Variants in PAX8 observed in about 807,000 individuals in gnomAD.
PAX8 encodes the protein paired box protein Pax-8.
A neutral mutation model predicts 52.4 loss-of-function variants in PAX8; 15 were observed. That is an observed-to-expected ratio of 0.29 (90% CI 0.19 to 0.44). The LOEUF (loss-of-function observed/expected upper bound fraction) is 0.44, where lower values mean the gene tolerates loss of function less well. PAX8 is among the 20% of genes least tolerant of loss of function. The probability of loss-of-function intolerance (pLI) is 1.00; values close to 1 mark genes in which losing one functional copy is unlikely to be tolerated. For missense variants in PAX8, 554 were observed against 602.5 expected, an observed-to-expected ratio of 0.92 and a Z score of 0.84; for synonymous variants, 284 against 249.7, an observed-to-expected ratio of 1.14 and a Z score of -1.29.
intron 1 of PAX8, 74 bp downstream of exon 1, chr2:113,278,757 C>G (rs1301193867): frequency 1.3e-6 from 1 of 780,010 alleles, no homozygotes; most frequent in Non-Finnish European, 1.7e-6. Flanking sequence ...GCCAGGCATC[C>G]TGGGACCCTC....
At chr2:113,235,318 G>A (rs956159436) in intron 9 of PAX8, 76 bp downstream of exon 9, 6 of 1,264,432 alleles carry the variant, frequency 4.7e-6, no homozygotes, top group Non-Finnish European at 4.4e-6. Flanking sequence ...CCAGAGAGGG[G>A]GCTGGCGGTC....
At chr2:113,240,900 G>A (rs1573456181) in intron 7 of PAX8, 1 of 120,548 alleles carries the variant, frequency 8.3e-6, no homozygotes, top group Non-Finnish European at 2.1e-5. Flanking sequence ...AAGTGACACT[G>A]TGAGAAGCTA....
At chr2:113,237,044 G>A in intron 7 of PAX8, 1 of 360,558 alleles carries the variant, frequency 2.8e-6, no homozygotes. Flanking sequence ...ACAGAATGCA[G>A]GACGGTGCCA....
intron 2 of PAX8, among the ~76,000 whole-genome samples, chr2:113,251,398 C>G (rs983329675): frequency 1.3e-5 from 2 of 149,702 alleles, no homozygotes; most frequent in Non-Finnish European, 3.0e-5. Context: ...AGGTGTGGCC[C>G]AGGAAGAGGT....
intron 5 of PAX8, 152 bp from the exon 6 acceptor site, chr2:113,242,282 G>C: frequency 1.5e-6 from 1 of 653,338 alleles, no homozygotes; most frequent in East Asian, 2.7e-5. Flanking sequence ...CAGCCCTGGG[G>C]TGACTCTGGG....
chr2:113,228,784 C>A (rs1421325810), intron 9 of PAX8, among the ~76,000 whole-genome samples: 1 of 152,164 alleles, frequency 6.6e-6, no homozygotes, highest in African/African-American at 2.4e-5. Context: ...ACTGCTTGTC[C>A]AACTATCCAC....
chr2:113,239,024 C>G (rs1318730618), intron 7 of PAX8: 1 of 150,830 alleles, frequency 6.6e-6, no homozygotes, highest in African/African-American at 2.4e-5. Flanking sequence ...AAATAGCAAC[C>G]AGGAATAAGG....
chr2:113,271,553 G>T (rs905912366), intron 2 of PAX8: 1 of 151,732 alleles, frequency 6.6e-6, no homozygotes, highest in African/African-American at 2.4e-5. Flanking sequence ...CTGGAAAGGG[G>T]TGTATTTTAA....
intron 10 of PAX8, chr2:113,226,044 G>A: frequency 1.0e-6 from 1 of 985,770 alleles, no homozygotes; most frequent in African/African-American, 1.7e-5. Context: ...TAACCAGGCA[G>A]CAACAAGTGC....
In PAX8 at chr2:113,239,094, G is replaced by A. The variant is rs1317560056; in HGVS notation, c.778-2373C>T. 5.4e-5 allele frequency: 8 copies of A among 147,386 alleles called. No homozygotes were observed. The East Asian group carries it at 1.6e-3, about 29-fold the overall frequency. The allele number at this position is 147,386 out of a possible 1,614,324, so 9.1% of individuals were successfully genotyped here. A position where few individuals can be genotyped will look rare whatever the true frequency, so the allele number is the denominator to read the frequency against. On this transcript the variant is annotated intron_variant, in intron 7 of 11. Transcript: ENST00000429538. Reference sequence around the variant, plus strand: ...CCTTTTTTTTTTTTTTTCAGATGGAGCCTCGCTCTGTCACCCAGGCTGGAG... The same window carrying A: ...CCTTTTTTTTTTTTTTTCAGATGGAACCTCGCTCTGTCACCCAGGCTGGAG...
chr2:113,240,398 C>T (rs1690717004), intron 7 of PAX8: 1 of 152,282 alleles, frequency 6.6e-6, no homozygotes, highest in African/African-American at 2.4e-5. Flanking sequence ...GGCATCATCT[C>T]CATTGTCCTA....
At chr2:113,261,799 A>G (rs1692699127) in intron 2 of PAX8, among the ~76,000 whole-genome samples, 1 of 150,972 alleles carries the variant, frequency 6.6e-6, no homozygotes, top group South Asian at 2.1e-4. Flanking sequence ...TCCTGAAGCA[A>G]GTCATGCCCT....
At chr2:113,242,904 CCA>C (rs1690983654) in intron 4 of PAX8, 126 bp from the exon 5 acceptor site, 3 of 729,528 alleles carry the variant, frequency 4.1e-6, no homozygotes, top group East Asian at 5.3e-5. Flanking sequence ...ACTCAACTGT[CCA>C]CAGTCAAGTC....
At chr2:113,256,437 T>G (rs1692250751) in intron 2 of PAX8, among the ~76,000 whole-genome samples, 1 of 152,198 alleles carries the variant, frequency 6.6e-6, no homozygotes, top group Non-Finnish European at 1.5e-5. Flanking sequence ...GGAATCTGAT[T>G]CAACTACTGC....
intron 2 of PAX8, among the ~76,000 whole-genome samples, chr2:113,252,780 T>C (rs1691883428): frequency 6.6e-6 from 1 of 152,178 alleles, no homozygotes; most frequent in South Asian, 2.1e-4. Context: ...TATCCTCCCA[T>C]TTAAAAACAT....
At chr2:113,239,829 G>C (rs1007281340) in intron 7 of PAX8, 4 of 152,168 alleles carry the variant, frequency 2.6e-5, no homozygotes, top group African/African-American at 4.8e-5. Flanking sequence ...TGGCAGGCCT[G>C]AGCTCCAAAA....
intron 3 of PAX8, among the ~76,000 whole-genome samples, chr2:113,245,776 T>G (rs774918653): frequency 1.3e-5 from 2 of 152,208 alleles, no homozygotes; most frequent in Non-Finnish European, 2.9e-5. Context: ...TCATCTCTTC[T>G]GGGACACCAC....
chr2:113,236,851 C>A, intron 7 of PAX8, 130 bp from the exon 8 acceptor site: 1 of 1,050,682 alleles, frequency 9.5e-7, no homozygotes, highest in East Asian at 2.7e-5. Flanking sequence ...CCCCCTTCTT[C>A]CTTTACGTTC....
At chr2:113,230,559 C>T (rs1284271310) in intron 9 of PAX8, 1 of 152,234 alleles carries the variant, frequency 6.6e-6, no homozygotes, top group Non-Finnish European at 1.5e-5. Flanking sequence ...CTGAATCGGA[C>T]ATCAGAACAG....
Sources: gnomAD v4.1 joint callset for allele counts (sites outside exome capture counted in the v4.1 genomes callset) on GRCh38, gnomAD v4.1.1 for gene constraint, MANE v1.5 for transcripts, NCBI Gene and HGNC (gene_info 2026-07-23, HGNC 2026-07-21) for gene names.